Variants in NUMB observed in about 807,000 individuals in gnomAD.
The protein encoded by NUMB is NUMB endocytic adaptor protein.
NUMB carries 29 observed loss-of-function variants against 59.7 expected under a neutral mutation model. That is an observed-to-expected ratio of 0.49 (90% CI 0.36 to 0.66). The LOEUF (loss-of-function observed/expected upper bound fraction) is 0.66, where lower values mean the gene tolerates loss of function less well. NUMB is among the 30% of genes least tolerant of loss of function. The pLI is 0.00. For synonymous variants in NUMB, 288 were observed against 288.2 expected, an observed-to-expected ratio of 1.00 and a Z score of 0.01; for missense variants, 723 against 822.0, an observed-to-expected ratio of 0.88 and a Z score of 1.47.
intron 1 of NUMB, among the ~76,000 whole-genome samples, chr14:73,438,580 G>A (rs1243197241): frequency 1.4e-5 from 2 of 144,630 alleles, no homozygotes; most frequent in African/African-American, 2.6e-5. Context: ...ACAGTGAGCC[G>A]AGATTGCGAC....
chr14:73,394,720 C>T (rs898581166), intron 2 of NUMB, among the ~76,000 whole-genome samples: 10 of 152,190 alleles, frequency 6.6e-5, no homozygotes, highest in African/African-American at 2.2e-4. Flanking sequence ...AACCATCATT[C>T]TACCAGACTG....
At chr14:73,385,375 T>C (rs1895459316) in intron 2 of NUMB, among the ~76,000 whole-genome samples, 1 of 146,692 alleles carries the variant, frequency 6.8e-6, no homozygotes, top group African/African-American at 2.5e-5. Flanking sequence ...CTCAAACTCC[T>C]GGGCTCAAGT....
At chr14:73,414,715 C>T (rs1269172553) in intron 1 of NUMB, among the ~76,000 whole-genome samples, 1 of 149,604 alleles carries the variant, frequency 6.7e-6, no homozygotes, top group Non-Finnish European at 1.5e-5. Flanking sequence ...TTTCTGGGGG[C>T]GGGTGCGGGG....
intron 1 of NUMB, among the ~76,000 whole-genome samples, chr14:73,446,747 C>T (rs1262559488): frequency 6.6e-6 from 1 of 151,510 alleles, no homozygotes; most frequent in African/African-American, 2.4e-5. Flanking sequence ...CATAACAAGA[C>T]CTCATATCTT....
intron 1 of NUMB, among the ~76,000 whole-genome samples, chr14:73,451,178 A>AAAC (rs1883939373): frequency 1.4e-5 from 2 of 147,380 alleles, no homozygotes; most frequent in Admixed American, 6.7e-5. Flanking sequence ...AAAAAAACAA[A>AAAC]AAACAAATCT....
intron 1 of NUMB, among the ~76,000 whole-genome samples, chr14:73,443,220 AGCTATTTTTAAAATGCACATGCCATGGTG>A (rs1480280564): frequency 1.3e-5 from 2 of 152,204 alleles, no homozygotes; most frequent in Non-Finnish European, 2.9e-5. Context: ...ACCTGAATAA[AGCTATTTTTAAAATGCACATGCCATGGTG>A]GGGGAAGAGA....
At chr14:73,312,339 C>T (rs141311345) in intron 6 of NUMB, among the ~76,000 whole-genome samples, 1 of 152,126 alleles carries the variant, frequency 6.6e-6, no homozygotes, top group African/African-American at 2.4e-5. Flanking sequence ...GTTGCAGTGA[C>T]CGAGACTGCA....
intron 12 of NUMB, 108 bp from the exon 13 acceptor site, chr14:73,277,401 AATG>A: frequency 5.7e-6 from 5 of 873,652 alleles, no homozygotes; most frequent in Non-Finnish European, 8.6e-6. Context: ...GTCCCCCCCT[AATG>A]GGACATTTTG....
At chr14:73,397,087 G>A (rs920493368) in intron 2 of NUMB, among the ~76,000 whole-genome samples, 3 of 152,110 alleles carry the variant, frequency 2.0e-5, no homozygotes, top group Non-Finnish European at 4.4e-5. Context: ...TCGCACCACT[G>A]CACTCCAGCC....
intron 6 of NUMB, among the ~76,000 whole-genome samples, chr14:73,305,477 A>C (rs1446937809): frequency 1.3e-5 from 2 of 152,130 alleles, no homozygotes; most frequent in African/African-American, 4.8e-5. Context: ...TATGATCCCC[A>C]AGATCACCAG....
chr14:73,455,567 C>T (rs1003397235), intron 1 of NUMB, among the ~76,000 whole-genome samples: 1 of 152,204 alleles, frequency 6.6e-6, no homozygotes, highest in Non-Finnish European at 1.5e-5. Flanking sequence ...AAGCCTCTAT[C>T]CCAGGTGCAT....
chr14:73,357,005 T>C lies in NUMB; in HGVS notation c.-15-1239A>G, dbSNP rs1392579595. On this transcript the variant is annotated intron_variant, in intron 3 of 12. Coordinates refer to ENST00000555238, the MANE Select transcript of NUMB (RefSeq NM_001005743.2). The stretch of plus-strand genomic sequence containing the variant: ...GAGCCACCATACCTGGCCAGAAGAA[T>C]TTCTTGCAAGCAGTATGACATCAGA... 3.1e-6 allele frequency: 3 copies of C among 954,530 alleles called. No homozygotes were observed. The African/African-American group carries it at 5.3e-5, about 17-fold the overall frequency. The allele number at this position is 954,530 out of a possible 1,614,324, so 59.1% of individuals were successfully genotyped here. A position where few individuals can be genotyped will look rare whatever the true frequency, so the allele number is the denominator to read the frequency against.
At chr14:73,308,478 T>C (rs1327976431) in intron 6 of NUMB, among the ~76,000 whole-genome samples, 1 of 152,140 alleles carries the variant, frequency 6.6e-6, no homozygotes, top group Non-Finnish European at 1.5e-5. Flanking sequence ...AACAGGCCAT[T>C]TGGTGCTCTT....
intron 6 of NUMB, among the ~76,000 whole-genome samples, chr14:73,304,829 C>A (rs1890334799): frequency 6.6e-6 from 1 of 152,002 alleles, no homozygotes; most frequent in South Asian, 2.1e-4. Flanking sequence ...GGTGCGATCT[C>A]GGCTCATTGC....
chr14:73,279,538 G>A (rs1555367363), intron 11 of NUMB, 114 bp from the exon 12 acceptor site: 5 of 988,156 alleles, frequency 5.1e-6, no homozygotes, highest in African/African-American at 1.7e-5. Flanking sequence ...GGATAAGAGA[G>A]AAGAGTTGAT....
chr14:73,337,464 T>C (rs956119934), intron 4 of NUMB, among the ~76,000 whole-genome samples: 2 of 152,338 alleles, frequency 1.3e-5, no homozygotes, highest in African/African-American at 4.8e-5. Flanking sequence ...ATAGTGCCAC[T>C]GCACTCTAGC....
rs897836161 is a variant in NUMB at position 73,276,452 on chromosome 14, G to C, written c.*126C>G. On this transcript the variant is annotated 3_prime_UTR_variant, in exon 13 of 13. Transcript: ENST00000555238. ...CTCACAGTACTCTGGGCCTGGACTT[G>C]TTCCTTGGGACCTTTGGGATTAGTG... The C allele has an allele frequency of 1.4e-6, 1 of 717,712 alleles. No homozygotes were observed. The highest frequency in any genetic ancestry group is 1.8e-5 in the African/African-American group (1 of 56,120). 44.5% of individuals were successfully genotyped at this position (717,712 alleles called of 1,614,324 possible).
chr14:73,361,996 C>G (rs993024203), intron 3 of NUMB, among the ~76,000 whole-genome samples: 3 of 152,184 alleles, frequency 2.0e-5, no homozygotes, highest in Non-Finnish European at 2.9e-5. Context: ...CTGGCTCACA[C>G]CTGTAATCCC....
intron 8 of NUMB, among the ~76,000 whole-genome samples, chr14:73,291,079 GTTTTTTGTTTTTT>G (rs1566728803): frequency 8.0e-5 from 12 of 150,042 alleles, no homozygotes; most frequent in Non-Finnish European, 1.5e-5. Context: ...TTTAGTTTTT[GTTTTTTGTTTTTT>G]TTTTTTGAGA....
Sources: gnomAD v4.1 joint callset for allele counts (sites outside exome capture counted in the v4.1 genomes callset) on GRCh38, gnomAD v4.1.1 for gene constraint, MANE v1.5 for transcripts, NCBI Gene and HGNC (gene_info 2026-07-23, HGNC 2026-07-21) for gene names.